CAMTA1: variants seen among roughly 807,000 people sequenced by gnomAD.
CAMTA1 encodes calmodulin-binding transcription activator 1.
In CAMTA1, 27 loss-of-function variants were observed where a neutral mutation model predicts 170.9. The observed-to-expected ratio is 0.16, with a 90% confidence interval of 0.12 to 0.22. The LOEUF is 0.22. Among genes scored for constraint, CAMTA1 ranks in the 10% least tolerant of loss-of-function variants. The pLI is 1.00. For missense variants in CAMTA1, 1,619 were observed against 2,217.2 expected, an observed-to-expected ratio of 0.73 and a Z score of 5.42; for synonymous variants, 833 against 891.5, an observed-to-expected ratio of 0.93 and a Z score of 1.17.
chr1:7,689,344 C>A (rs942770999), intron 11 of CAMTA1, among the ~76,000 whole-genome samples: 1 of 150,346 alleles, frequency 6.7e-6, no homozygotes, highest in Non-Finnish European at 1.5e-5. Context: ...GAAGCTGAGG[C>A]AGGAGGATTG....
chr1:7,391,703 G>C (rs1316589236), intron 5 of CAMTA1, among the ~76,000 whole-genome samples: 2 of 152,122 alleles, frequency 1.3e-5, no homozygotes, highest in Non-Finnish European at 2.9e-5. Flanking sequence ...TGAATGGCCT[G>C]TTTTCAGTCC....
chr1:6,889,190 G>A (rs1172498351), intron 3 of CAMTA1, among the ~76,000 whole-genome samples: 1 of 152,000 alleles, frequency 6.6e-6, no homozygotes, highest in African/African-American at 2.4e-5. Context: ...AAAATAAAAC[G>A]AAAAAACCTT....
Position 7,732,774 on chromosome 1 carries a change from T to A in CAMTA1, c.3066+175T>A, listed in dbSNP as rs1052951538. 1.3e-5 allele frequency among the ~76,000 whole-genome samples: 2 copies of A among 152,146 alleles called. No individual in the cohort carries two copies. Among genetic ancestry groups the A allele is most frequent in the African/African-American group, 4.8e-5 (2 of 41,428 alleles). On this transcript the variant is annotated intron_variant, in intron 12 of 22. Transcript: ENST00000303635. This position sits in a 1 kb window ranked among gnomAD's most constrained non-coding sequence, Gnocchi z 4.1. Reference sequence around the variant, plus strand: ...CTTTTAAGCATTATAATCTGTGCAGTATGGAAGAAGCCTTGGAATGTGGAG... The same window carrying A: ...CTTTTAAGCATTATAATCTGTGCAGAATGGAAGAAGCCTTGGAATGTGGAG...
rs749090241 is a variant in CAMTA1 at position 7,234,936 on chromosome 1, G to T, written c.303-14555G>T. Among the ~76,000 whole-genome samples, 1 of 151,896 alleles carries T rather than the reference G, an allele frequency of 6.6e-6. No homozygotes were observed. Among genetic ancestry groups the T allele is most frequent in the Non-Finnish European group, 1.5e-5 (1 of 67,958 alleles). Reference sequence around the variant, plus strand: ...TGAGTAGCTGGGATTAAAAGCACCTGCCACCACACCTGGCTAATTTTTGTA... The same window carrying T: ...TGAGTAGCTGGGATTAAAAGCACCTTCCACCACACCTGGCTAATTTTTGTA... On this transcript the variant is annotated intron_variant, in intron 4 of 22. Transcript: ENST00000303635. This position sits in a 1 kb window ranked among gnomAD's most constrained non-coding sequence, Gnocchi z 5.0.
At chr1:6,881,929 T>G (rs898804957) in intron 3 of CAMTA1, among the ~76,000 whole-genome samples, 14 of 152,158 alleles carry the variant, frequency 9.2e-5, no homozygotes, top group Middle Eastern at 6.8e-3. Context: ...ATCGCACCAC[T>G]GCACTCCAGC....
In CAMTA1 at chr1:7,523,612, C is replaced by T. The variant is rs781246569; in HGVS notation, c.510+55711C>T. 3.0e-4 allele frequency among the ~76,000 whole-genome samples: 45 copies of T among 152,298 alleles called. 1 individual carries two copies. Among genetic ancestry groups the T allele is most frequent in the Middle Eastern group, 3.4e-3 (1 of 294 alleles). ...TTTCATTTTTGGCCGGGTGCGGTGG[C>T]TCACGCCTATAATCCCAGCACTTTG... On this transcript the variant is annotated intron_variant, in intron 6 of 22. Transcript: ENST00000303635.
At chr1:7,338,837 C>G (rs1004330562) in intron 5 of CAMTA1, among the ~76,000 whole-genome samples, 1 of 152,186 alleles carries the variant, frequency 6.6e-6, no homozygotes, top group South Asian at 2.1e-4. Flanking sequence ...AAAGAAATAC[C>G]TGAAACTGGG....
chr1:7,705,299 G>A (rs1281361860), intron 11 of CAMTA1, among the ~76,000 whole-genome samples: 2 of 151,338 alleles, frequency 1.3e-5, no homozygotes, highest in Non-Finnish European at 3.0e-5. Flanking sequence ...ATGCCGCGAG[G>A]GTGTGTCGAC....
At chr1:7,274,662 A>G (rs1670321966) in intron 5 of CAMTA1, among the ~76,000 whole-genome samples, 1 of 152,212 alleles carries the variant, frequency 6.6e-6, no homozygotes. Flanking sequence ...TAGAACATTT[A>G]TTAATATAAA....
At chr1:7,197,628 CCACA>C (rs3222484) in intron 4 of CAMTA1, among the ~76,000 whole-genome samples, 19,614 of 109,522 alleles carry the variant, frequency 0.18, 1,537 homozygotes, top group Middle Eastern at 0.25. Context: ...TTGTCCCCCA[CCACA>C]CACACACACA....
At chr1:7,171,166 G>A (rs1016321921) in intron 4 of CAMTA1, among the ~76,000 whole-genome samples, 4 of 152,134 alleles carry the variant, frequency 2.6e-5, no homozygotes, top group East Asian at 1.9e-4. Context: ...CTCCTGGAAC[G>A]TGAGGAAAAT....
At chr1:7,537,557 G>A (rs1318931551) in intron 6 of CAMTA1, among the ~76,000 whole-genome samples, 1 of 152,242 alleles carries the variant, frequency 6.6e-6, no homozygotes, top group East Asian at 1.9e-4. Context: ...CTGAGCCCAC[G>A]AGGCTGCCAG....
intron 5 of CAMTA1, among the ~76,000 whole-genome samples, chr1:7,409,481 C>T (rs1338080638): frequency 6.6e-6 from 1 of 152,232 alleles, no homozygotes; most frequent in African/African-American, 2.4e-5. Flanking sequence ...GAGACCCACG[C>T]CCCGCCCTTG....
At chr1:7,472,142 C>T (rs1483819192) in intron 6 of CAMTA1, among the ~76,000 whole-genome samples, 1 of 152,194 alleles carries the variant, frequency 6.6e-6, no homozygotes, top group African/African-American at 2.4e-5. Context: ...GGGGGTCCTT[C>T]CTGGCCCACG....
intron 4 of CAMTA1, among the ~76,000 whole-genome samples, chr1:7,160,619 T>G (rs1647158334): frequency 6.6e-6 from 1 of 152,198 alleles, no homozygotes; most frequent in Non-Finnish European, 1.5e-5. Context: ...ATGCTCAAGA[T>G]TCAGTCCAAG....
Position 7,368,718 on chromosome 1 carries a change from G to A in CAMTA1, c.439-99112G>A, listed in dbSNP as rs527710050. 2.8e-4 allele frequency among the ~76,000 whole-genome samples: 42 copies of A among 152,286 alleles called. 1 individual carries two copies. The highest frequency in any genetic ancestry group is 1.0e-3 in the African/African-American group (42 of 41,548). On this transcript the variant is annotated intron_variant, in intron 5 of 22. Transcript: ENST00000303635. ...CTCCATTTCTGTCTTGCACGCTGCT[G>A]CAGCTTCAGCACCCACCGTGGTACC...
intron 4 of CAMTA1, among the ~76,000 whole-genome samples, chr1:7,096,666 A>G (rs1325042013): frequency 3.3e-5 from 5 of 151,904 alleles, no homozygotes; most frequent in African/African-American, 1.2e-4. Flanking sequence ...AGTGTTTCCG[A>G]CTGTAATTCA....
chr1:7,756,211 C>T (rs2096930577), intron 22 of CAMTA1, among the ~76,000 whole-genome samples: 1 of 151,896 alleles, frequency 6.6e-6, no homozygotes, highest in Non-Finnish European at 1.5e-5. Context: ...TAAATCTCTC[C>T]CTCCCTGGTG....
chr1:7,398,191 CTCTATATATATA>C (rs1411339471), intron 5 of CAMTA1, among the ~76,000 whole-genome samples: 119 of 26,872 alleles, frequency 4.4e-3, no homozygotes, highest in Admixed American at 0.014. Flanking sequence ...CTCTCTCTCT[CTCTATATATATA>C]TATATATATA....
Sources: gnomAD v4.1 joint callset for allele counts (sites outside exome capture counted in the v4.1 genomes callset) on GRCh38, gnomAD v4.1.1 for gene constraint, Gnocchi (gnomAD v3.1) non-coding constraint, MANE v1.5 for transcripts, NCBI Gene and HGNC (gene_info 2026-07-23, HGNC 2026-07-21) for gene names.